The following SLC12A7 variants were observed in gnomAD, a reference collection of about 807,000 sequenced individuals.
SLC12A7 encodes K-Cl cotransporter 4.
In SLC12A7, 100 loss-of-function variants were observed where a neutral mutation model predicts 120.6. That is an observed-to-expected ratio of 0.83 (90% CI 0.71 to 0.98). The LOEUF (loss-of-function observed/expected upper bound fraction) is 0.98, where lower values mean the gene tolerates loss of function less well. Ranked by LOEUF, SLC12A7 falls within the 50% of genes least tolerant of loss-of-function variation. The pLI is 0.00. For missense variants in SLC12A7, 1,373 were observed against 1,548.1 expected, an observed-to-expected ratio of 0.89 and a Z score of 1.90; for synonymous variants, 760 against 678.0, an observed-to-expected ratio of 1.12 and a Z score of -1.88.
In SLC12A7 at chr5:1,084,093, G is replaced by A. The variant is rs563566699; in HGVS notation, c.918-137C>T. 1.5e-4 allele frequency: 106 copies of A among 711,688 alleles called. No homozygotes were observed. The African/African-American group carries it at 1.6e-3, about 11-fold the overall frequency. 44.1% of individuals were successfully genotyped at this position (711,688 alleles called of 1,614,324 possible). On this transcript the variant is annotated intron_variant, in intron 7 of 23. Transcript: ENST00000264930. ...ACCCTGCACCTCCCAAGACAGGAAG[G>A]CCACAGATCACGCCAGGGACCGGGC...
intron 23 of SLC12A7, 116 bp downstream of exon 23, chr5:1,053,233 G>C: frequency 7.5e-7 from 1 of 1,339,558 alleles, no homozygotes; most frequent in Admixed American, 2.2e-5. Flanking sequence ...CAGAGCCTGG[G>C]GCTGAAGGAG....
the SLC12A7 span, among the ~76,000 whole-genome samples, chr5:1,154,759 C>G: frequency 3.6e-4 from 52 of 146,270 alleles, no homozygotes; most frequent in African/African-American, 1.1e-3. Context: ...CAGGGCCCGT[C>G]GGAGCCCTTC....
At chr5:1,078,617 G>A (rs149211012) in intron 11 of SLC12A7, 84 bp downstream of exon 11, 11 of 1,114,294 alleles carry the variant, frequency 9.9e-6, no homozygotes, top group South Asian at 5.2e-5. Context: ...GTCCTAGGGC[G>A]ATGTAATTTC....
intron 23 of SLC12A7, among the ~76,000 whole-genome samples, chr5:1,052,762 C>A (rs1484338610): frequency 2.0e-5 from 3 of 152,198 alleles, no homozygotes; most frequent in African/African-American, 7.2e-5. Flanking sequence ...ACTGGGTCCT[C>A]ACCAGCCTAC....
chr5:1,080,552 G>A (rs1738929739), intron 9 of SLC12A7, among the ~76,000 whole-genome samples: 1 of 152,034 alleles, frequency 6.6e-6, no homozygotes, highest in Admixed American at 6.5e-5. Flanking sequence ...ACGTGGGAGG[G>A]ACCAGAAGGG....
chr5:1,087,180 T>C, intron 5 of SLC12A7, 147 bp from the exon 6 acceptor site: 2 of 1,089,166 alleles, frequency 1.8e-6, no homozygotes, highest in South Asian at 1.7e-5. Context: ...AAGCAGCACA[T>C]GGAGACGCTT....
rs757766578 is a variant in SLC12A7, at chr5:1,085,352, A to G, written c.797T>C (p.Val266Ala). Residue 266 changes from valine (V) to alanine (A), a missense_variant, in exon 7 of 24, where the codon GTC (valine) becomes GCC (alanine). Val to Ala is a moderately conservative substitution (Grantham distance 64). Transcript: ENST00000264930. ...GTTGACATACTTGACGCCCACGAAG[A>G]CCACCAGGGCCATGAGCACGAGCGT... ...TCTLVLMALV[V>A]FVGVKYVNKL... 3 of 1,612,580 alleles carry G rather than the reference A, an allele frequency of 1.9e-6. No homozygotes were observed. Among genetic ancestry groups the G allele is most frequent in the South Asian group, 2.2e-5 (2 of 91,046 alleles).
rs1740101391 is a variant in SLC12A7 at position 1,088,219 on chromosome 5, G to A, written c.544+87C>T. 20 of 1,406,060 alleles carry A rather than the reference G, an allele frequency of 1.4e-5. No homozygotes were observed. The South Asian group carries it at 2.4e-4, about 17-fold the overall frequency. 87.1% of individuals were successfully genotyped at this position (1,406,060 alleles called of 1,614,324 possible). On this transcript the variant is annotated intron_variant, in intron 5 of 23. Coordinates refer to ENST00000264930, the MANE Select transcript of SLC12A7 (RefSeq NM_006598.3). ...CCCAGGCAGCCCCCGGCCCGGCCTC[G>A]CCAAGCGGCCTCCTCGCGGTTGCCG...
At chr5:1,079,247 C>T (rs545623681) in intron 10 of SLC12A7, 151 bp downstream of exon 10, 103 of 637,822 alleles carry the variant, frequency 1.6e-4, no homozygotes, top group South Asian at 8.3e-4. Context: ...GCCCTTGCCC[C>T]GTCTCCCAGG....
intron 20 of SLC12A7, 57 bp from the exon 21 acceptor site, chr5:1,060,508 C>T: frequency 7.4e-7 from 1 of 1,347,032 alleles, no homozygotes; most frequent in Non-Finnish European, 1.1e-6. Context: ...CGGATGGCTC[C>T]AACACCAGCC....
the SLC12A7 span, among the ~76,000 whole-genome samples, chr5:1,137,348 A>C: frequency 6.6e-6 from 1 of 152,146 alleles, no homozygotes; most frequent in South Asian, 2.1e-4. Context: ...ACGAATGACA[A>C]AGAACCTTGG....
the SLC12A7 span, among the ~76,000 whole-genome samples, chr5:1,134,764 C>T: frequency 6.6e-6 from 1 of 152,148 alleles, no homozygotes; most frequent in African/African-American, 2.4e-5. Context: ...GCAGAATCAG[C>T]CCGAGAGGTG....
At chr5:1,113,435 G>A (rs1186870382), upstream of SLC12A7, among the ~76,000 whole-genome samples, 1 of 152,202 alleles carries the variant, frequency 6.6e-6, no homozygotes, top group East Asian at 1.9e-4. Flanking sequence ...ATGCCCTGGG[G>A]TGGCCTAGGG....
At chr5:1,153,520 A>G in the SLC12A7 span, among the ~76,000 whole-genome samples, 1 of 152,206 alleles carries the variant, frequency 6.6e-6, no homozygotes, top group East Asian at 1.9e-4. Flanking sequence ...TGAGGCGTGG[A>G]GGAGACCAGT....
intron 1 of SLC12A7, among the ~76,000 whole-genome samples, chr5:1,097,950 T>C (rs1327955503): frequency 6.6e-6 from 1 of 151,926 alleles, no homozygotes; most frequent in African/African-American, 2.4e-5. Context: ...CAAACGTTTC[T>C]ATCTGGTTAA....
chr5:1,083,683 C>A, intron 8 of SLC12A7, 62 bp downstream of exon 8: 2 of 1,539,400 alleles, frequency 1.3e-6, no homozygotes, highest in Non-Finnish European at 8.9e-7. Flanking sequence ...GAGCAGCCAC[C>A]AGGGCCAGCG....
At chr5:1,064,555 C>T (rs1736710475) in intron 18 of SLC12A7, among the ~76,000 whole-genome samples, 1 of 152,256 alleles carries the variant, frequency 6.6e-6, no homozygotes, top group African/African-American at 2.4e-5. Context: ...CCTCAGAGCA[C>T]ACACCCTCGG....
chr5:1,106,889 G>A (rs1397891700), intron 1 of SLC12A7, among the ~76,000 whole-genome samples: 3 of 152,234 alleles, frequency 2.0e-5, no homozygotes, highest in African/African-American at 7.2e-5. Flanking sequence ...CACTGACGGT[G>A]GAAATGACAG....
upstream of SLC12A7, among the ~76,000 whole-genome samples, chr5:1,113,589 C>G (rs997241814): frequency 1.3e-5 from 2 of 152,282 alleles, no homozygotes; most frequent in East Asian, 3.9e-4. Context: ...GCTCCACACT[C>G]TCACCCCACC....
Sources: allele counts gnomAD v4.1 joint callset (sites outside exome capture counted in the v4.1 genomes callset), GRCh38; gene constraint gnomAD v4.1.1; transcripts MANE v1.5; gene names NCBI Gene and HGNC (gene_info 2026-07-23, HGNC 2026-07-21).